Variants in PCBP3 observed in about 807,000 individuals in gnomAD.
PCBP3 encodes poly(rC)-binding protein 3.
In PCBP3, 25 loss-of-function variants were observed where a neutral mutation model predicts 52.7. That is an observed-to-expected ratio of 0.47 (90% confidence interval 0.35 to 0.66). PCBP3 has a LOEUF of 0.66. PCBP3 is among the 30% of genes least tolerant of loss of function. The probability of loss-of-function intolerance (pLI) is 0.01; values close to 1 mark genes in which losing one functional copy is unlikely to be tolerated. For synonymous variants in PCBP3, 162 were observed against 183.0 expected (o/e 0.89, Z 0.93); for missense variants, 391 against 490.3 (o/e 0.80, Z 1.91).
At chr21:45,654,497 C>T (rs909527712) in intron 1 of PCBP3, among the ~76,000 whole-genome samples, 2 of 151,988 alleles carry the variant, frequency 1.3e-5, no homozygotes, top group East Asian at 1.9e-4. Context: ...CACGCCACCA[C>T]GCCCAGCTAA....
intron 9 of PCBP3, among the ~76,000 whole-genome samples, chr21:45,908,715 G>A (rs930506300): frequency 2.3e-4 from 35 of 152,146 alleles, no homozygotes; most frequent in African/African-American, 8.0e-4. Flanking sequence ...CGCCCCATGC[G>A]GCTGACAGAA....
intron 2 of PCBP3, among the ~76,000 whole-genome samples, chr21:45,676,635 T>C (rs2081486557): frequency 6.6e-6 from 1 of 152,182 alleles, no homozygotes; most frequent in Non-Finnish European, 1.5e-5. Context: ...CAGCCGACCA[T>C]TCCATCTGTC....
intron 2 of PCBP3, among the ~76,000 whole-genome samples, chr21:45,692,669 C>T (rs1450269262): frequency 6.6e-6 from 1 of 152,088 alleles, no homozygotes. Flanking sequence ...ACTCTAAGCT[C>T]AGAAGGCTAC....
In PCBP3 at chr21:45,699,548, G is replaced by A. The variant is rs1005058549; in HGVS notation, c.-200+30596G>A. 6.6e-5 allele frequency among the ~76,000 whole-genome samples: 10 copies of A among 152,184 alleles called. No individual in the cohort carries two copies. In the East Asian group the frequency reaches 1.3e-3, roughly 20 times the overall value. On this transcript the variant is annotated intron_variant, in intron 2 of 17. Coordinates refer to ENST00000681687, the MANE Select transcript of PCBP3 (RefSeq NM_001384156.1). ...TCTGGAACTCTAGCCCTTACCCAGT[G>A]TATTAGTCTGTTCTCACACTGCTAA...
At chr21:45,893,195 T>A (rs2095723573) in intron 5 of PCBP3, among the ~76,000 whole-genome samples, 1 of 147,710 alleles carries the variant, frequency 6.8e-6, no homozygotes, top group Non-Finnish European at 1.5e-5. Context: ...TCTGAGAGAA[T>A]GGGATGTGGA....
At chr21:45,906,592 C>T (rs2149187772) in intron 9 of PCBP3, among the ~76,000 whole-genome samples, 1 of 152,190 alleles carries the variant, frequency 6.6e-6, no homozygotes, top group South Asian at 2.1e-4. Context: ...GGTCATTTTG[C>T]CTGTGTTAGT....
chr21:45,914,345 T>G (rs1308207213), intron 12 of PCBP3: 1 of 513,166 alleles, frequency 1.9e-6, no homozygotes, highest in Admixed American at 3.9e-5. Flanking sequence ...CGCAGGCGCT[T>G]TCTAGGTGAT....
chr21:45,862,088 T>G (rs2094531741), intron 5 of PCBP3, among the ~76,000 whole-genome samples: 2 of 151,792 alleles, frequency 1.3e-5, no homozygotes, highest in Middle Eastern at 3.4e-3. Flanking sequence ...TGAGCCTTTT[T>G]ATGAGGCACT....
rs926474585 is a variant in PCBP3, at chr21:45,817,650, C to T, written c.-125-32311C>T. On this transcript the variant is annotated intron_variant, in intron 4 of 17. Transcript: ENST00000681687. The surrounding 1 kb of genome is among the most constrained non-coding windows in gnomAD (Gnocchi z 4.3). ...AGAAAGCAGCCGGCGAGGAGCTCAG[C>T]GTGTGTCTCCGCCGGGTGAAAGATC... Among the ~76,000 whole-genome samples, 6 of 152,172 alleles carry T rather than the reference C, an allele frequency of 3.9e-5. No homozygotes were observed. Among genetic ancestry groups the T allele is most frequent in the South Asian group, 4.1e-4 (2 of 4,832 alleles).
At chr21:45,716,020 T>C (rs1306855105) in intron 2 of PCBP3, among the ~76,000 whole-genome samples, 2 of 152,180 alleles carry the variant, frequency 1.3e-5, no homozygotes, top group Non-Finnish European at 2.9e-5. Flanking sequence ...ATACTTTTGG[T>C]ATCATATCTA....
chr21:45,908,838 C>G (rs1002349258), intron 9 of PCBP3, among the ~76,000 whole-genome samples: 1 of 152,170 alleles, frequency 6.6e-6, no homozygotes, highest in Non-Finnish European at 1.5e-5. Flanking sequence ...GGCCGCCCCC[C>G]ACCTCAGCCT....
intron 13 of PCBP3, among the ~76,000 whole-genome samples, chr21:45,923,232 C>T (rs2074714989): frequency 6.6e-6 from 1 of 152,176 alleles, no homozygotes; most frequent in Non-Finnish European, 1.5e-5. Flanking sequence ...TGAGGGGTCC[C>T]CTCACTGTAG....
At chr21:45,763,233 C>G (rs538082556) in intron 4 of PCBP3, 4 of 152,380 alleles carry the variant, frequency 2.6e-5, no homozygotes, top group South Asian at 4.1e-4. Context: ...TTTTGCAGTT[C>G]CCACCATTGA....
intron 9 of PCBP3, among the ~76,000 whole-genome samples, chr21:45,908,631 G>T (rs915737217): frequency 4.0e-5 from 6 of 150,944 alleles, no homozygotes; most frequent in African/African-American, 1.2e-4. Flanking sequence ...AGCGAGCTCC[G>T]GAGCTGCCCT....
intron 5 of PCBP3, among the ~76,000 whole-genome samples, chr21:45,884,911 A>G (rs373181434): frequency 3.3e-5 from 5 of 152,184 alleles, no homozygotes; most frequent in African/African-American, 4.8e-5. Flanking sequence ...CATTCTGTAC[A>G]TATCAGACAA....
rs528719675 is a variant in PCBP3, at chr21:45,879,355, C to A, written c.11-16853C>A. Among the ~76,000 whole-genome samples the A allele has an allele frequency of 5.3e-5, 8 of 152,270 alleles. No individual in the cohort carries two copies. In the South Asian group the frequency reaches 1.7e-3, roughly 32 times the overall value. ...AATCTAATAACCAGAATGAAAAATT[C>A]ATGATGTAGACTCAATAACAATGGA... On this transcript the variant is annotated intron_variant, in intron 5 of 17. Transcript: ENST00000681687.
At chr21:45,691,400 C>CATATATATA in intron 2 of PCBP3, among the ~76,000 whole-genome samples, 1 of 136,894 alleles carries the variant, frequency 7.3e-6, no homozygotes, top group Non-Finnish European at 1.6e-5. Flanking sequence ...ATATATATAT[C>CATATATATA]TCATATATAT....
At chr21:45,871,746 ACT>A (rs1472673712) in intron 5 of PCBP3, 4 of 152,146 alleles carry the variant, frequency 2.6e-5, no homozygotes, top group Admixed American at 6.5e-5. Context: ...GCGGTCTCTG[ACT>A]CTGTGGGAAG....
chr21:45,706,602 T>C (rs2083466180), intron 2 of PCBP3, among the ~76,000 whole-genome samples: 1 of 152,190 alleles, frequency 6.6e-6, no homozygotes, highest in Non-Finnish European at 1.5e-5. Context: ...CTCTAGAATT[T>C]AGGAAAGATT....
Sources: gnomAD v4.1 joint callset for allele counts (sites outside exome capture counted in the v4.1 genomes callset) on GRCh38, gnomAD v4.1.1 for gene constraint, Gnocchi (gnomAD v3.1) non-coding constraint, MANE v1.5 for transcripts, NCBI Gene and HGNC (gene_info 2026-07-23, HGNC 2026-07-21) for gene names.